Variants in MCTP2 observed in about 807,000 individuals in gnomAD.
MCTP2 encodes multiple C2 and transmembrane domain containing 2.
Under a neutral mutation model 111.6 loss-of-function variants are expected in MCTP2, and 132 were observed. That is an observed-to-expected ratio of 1.18 (90% CI 1.03 to 1.37). The LOEUF is 1.37. Among genes scored for constraint, MCTP2 ranks in the 40% most tolerant of loss-of-function variants. The pLI, the probability that MCTP2 is intolerant of heterozygous loss-of-function variation, is 0.00. For synonymous variants in MCTP2, 395 were observed against 387.7 expected (o/e 1.02, Z -0.22); for missense variants, 1,183 against 1,067.9 (o/e 1.11, Z -1.50).
At position 94,483,068 on chromosome 15, in the gene MCTP2, G is replaced by C. The variant is rs1472431751; in HGVS notation, c.*4034G>C. On this transcript the variant is annotated 3_prime_UTR_variant, in exon 23 of 23. Transcript: ENST00000357742. ...CCTTGAAAAATTCCACTGTGGAGAA[G>C]AAAGGAGAGAGAGAGGGCTGGAATT... is the stretch of plus-strand genomic sequence containing the variant. 1 of 152,180 alleles carries C rather than the reference G, an allele frequency of 6.6e-6. No homozygotes were observed. Among genetic ancestry groups the C allele is most frequent in the Non-Finnish European group, 1.5e-5 (1 of 68,050 alleles). The allele number at this position is 152,180 out of a possible 1,614,324, so 9.4% of individuals were successfully genotyped here.
At chr15:94,347,720 C>T (rs763178908) in intron 8 of MCTP2, among the ~76,000 whole-genome samples, 12 of 152,186 alleles carry the variant, frequency 7.9e-5, no homozygotes, top group East Asian at 5.8e-4. Flanking sequence ...CCTTATTTCC[C>T]GCTTTTCTAA....
intron 19 of MCTP2, among the ~76,000 whole-genome samples, chr15:94,450,548 T>C (rs1046528593): frequency 1.6e-4 from 25 of 152,260 alleles, no homozygotes; most frequent in Admixed American, 1.5e-3. Context: ...TGCCACTCAA[T>C]CTATTTCTAA....
intron 10 of MCTP2, among the ~76,000 whole-genome samples, chr15:94,366,786 CAG>C (rs778927906): frequency 1.3e-5 from 2 of 152,286 alleles, no homozygotes; most frequent in South Asian, 2.1e-4. Context: ...CATACATAAA[CAG>C]AGCAGGTGTG....
chr15:94,311,942 C>A (rs1445211009), intron 2 of MCTP2, among the ~76,000 whole-genome samples: 1 of 152,148 alleles, frequency 6.6e-6, no homozygotes, highest in Non-Finnish European at 1.5e-5. Flanking sequence ...CTGTCCACTC[C>A]TCCATTTGAA....
chr15:94,445,188 C>G (rs898796919), intron 19 of MCTP2, among the ~76,000 whole-genome samples: 1 of 152,126 alleles, frequency 6.6e-6, no homozygotes. Context: ...TCAGCATGGC[C>G]CAAACCCATA....
chr15:94,301,733 AATTTT>A (rs1264388953), intron 2 of MCTP2, among the ~76,000 whole-genome samples: 1 of 152,088 alleles, frequency 6.6e-6, no homozygotes, highest in Non-Finnish European at 1.5e-5. Flanking sequence ...AAAAATACTC[AATTTT>A]ATTTTATATG....
chr15:94,315,517 C>T lies in MCTP2; in HGVS notation c.529-12C>T, dbSNP rs1231183957. On this transcript the variant is annotated splice_polypyrimidine_tract_variant and intron_variant, in intron 3 of 22. Coordinates refer to ENST00000357742, the MANE Select transcript of MCTP2 (RefSeq NM_001385001.1). ...AGACATACTGTCTTAACTGCCTTCT[C>T]CATCTGTGCAGGTACCGGGGGAAGC... 3 of 1,602,676 alleles carry T rather than the reference C, an allele frequency of 1.9e-6. No homozygotes were observed. The highest frequency in any genetic ancestry group is 2.6e-6 in the Non-Finnish European group (3 of 1,169,780).
chr15:94,294,452 T>C (rs559007758), intron 1 of MCTP2, among the ~76,000 whole-genome samples: 10 of 152,284 alleles, frequency 6.6e-5, no homozygotes, highest in African/African-American at 2.4e-4. Flanking sequence ...ATCCCTGCTT[T>C]CTACTTGAAT....
intron 2 of MCTP2, among the ~76,000 whole-genome samples, chr15:94,304,981 G>A (rs752545375): frequency 1.3e-5 from 2 of 152,062 alleles, no homozygotes; most frequent in Non-Finnish European, 2.9e-5. Context: ...TATCATGGTG[G>A]CCTGGCATCC....
intron 7 of MCTP2, 75 bp from the exon 8 acceptor site, chr15:94,345,054 A>G: frequency 6.6e-7 from 1 of 1,516,512 alleles, no homozygotes; most frequent in Non-Finnish European, 9.1e-7. Flanking sequence ...ACATAATATA[A>G]TTACATTGAT....
At chr15:94,317,876 T>C (rs1000066548) in intron 4 of MCTP2, among the ~76,000 whole-genome samples, 1 of 152,176 alleles carries the variant, frequency 6.6e-6, no homozygotes, top group Admixed American at 6.5e-5. Context: ...TGTTGGTAAA[T>C]AGTTTTTTTT....
In MCTP2 at chr15:94,298,659, CGGGTG is replaced by C; in HGVS notation, c.395_399del (p.Arg132LeufsTer7). 6.2e-7 allele frequency: 1 copy of C among 1,613,764 alleles called. No homozygotes were observed. Among genetic ancestry groups the C allele is most frequent in the Non-Finnish European group, 8.5e-7 (1 of 1,179,906 alleles). On this transcript the variant is annotated frameshift_variant, in exon 2 of 23. Transcript: ENST00000357742. LOFTEE classifies it high-confidence loss of function. Reference sequence around the variant, plus strand: ...CTATGCCTCTCCTGCTGAGCGGAGACGGGTGTCCAGCAACGGCATCTTTGATCTTC... The same window carrying C: ...CTATGCCTCTCCTGCTGAGCGGAGACTCCAGCAACGGCATCTTTGATCTTC...
chr15:94,294,622 T>C (rs540716866), intron 1 of MCTP2, among the ~76,000 whole-genome samples: 1 of 152,336 alleles, frequency 6.6e-6, no homozygotes, highest in East Asian at 1.9e-4. Context: ...CAACTTTGTT[T>C]ACAGCAACTC....
At chr15:94,416,427 T>C (rs2082383402) in intron 17 of MCTP2, among the ~76,000 whole-genome samples, 2 of 152,090 alleles carry the variant, frequency 1.3e-5, no homozygotes, top group Non-Finnish European at 2.9e-5. Flanking sequence ...GGAAAACACA[T>C]TTGAATCAAA....
intron 10 of MCTP2, among the ~76,000 whole-genome samples, chr15:94,360,405 T>G (rs1189597708): frequency 6.6e-6 from 1 of 152,190 alleles, no homozygotes; most frequent in Non-Finnish European, 1.5e-5. Context: ...TACTTCTCAG[T>G]GTGTCTGACG....
intron 14 of MCTP2, 103 bp downstream of exon 14, chr15:94,385,628 C>T (rs2152456807): frequency 1.3e-6 from 1 of 783,090 alleles, no homozygotes; most frequent in Non-Finnish European, 2.2e-6. Flanking sequence ...GGAAAAAAAT[C>T]CTCCTAACTA....
At chr15:94,307,248 G>A (rs77771633) in intron 2 of MCTP2, among the ~76,000 whole-genome samples, 3,788 of 152,304 alleles carry the variant, frequency 0.025, 70 homozygotes, top group Non-Finnish European at 0.037. Context: ...GTGTCATGGA[G>A]AGAAAGAAAG....
In MCTP2 at chr15:94,471,758, T is replaced by TG. The variant is rs1469902878; in HGVS notation, c.2470+1317dup. On this transcript the variant is annotated intron_variant, in intron 21 of 22. Transcript: ENST00000357742. ...GGCCACTGATTAAGAAGGCATATTTTGAAAAAAAAAAAAAAAAGTATTTTC... is the reference window on the plus strand; with the variant it reads ...GGCCACTGATTAAGAAGGCATATTTTGGAAAAAAAAAAAAAAAAGTATTTTC... Among the ~76,000 whole-genome samples the TG allele has an allele frequency of 7.2e-3, 670 of 93,584 alleles. 10 individuals are homozygous for TG. The highest frequency in any genetic ancestry group is 0.022 in the African/African-American group (598 of 26,602). 61.4% of individuals were successfully genotyped at this position (93,584 alleles called of 152,430 possible). A position where few individuals can be genotyped will look rare whatever the true frequency, so the allele number is the denominator to read the frequency against.
intron 20 of MCTP2, among the ~76,000 whole-genome samples, chr15:94,464,963 TTTGCTCATTA>T (rs148528695): frequency 0.078 from 11,800 of 152,138 alleles, 603 homozygotes; most frequent in Middle Eastern, 0.16. Flanking sequence ...TTAGATTAAA[TTTGCTCATTA>T]TATTCAAGCC....
Sources: gnomAD v4.1 joint callset for allele counts (sites outside exome capture counted in the v4.1 genomes callset) on GRCh38, gnomAD v4.1.1 for gene constraint, MANE v1.5 for transcripts, NCBI Gene and HGNC (gene_info 2026-07-23, HGNC 2026-07-21) for gene names.